Variants in MCPH1 observed in about 807,000 individuals in gnomAD.
The protein encoded by MCPH1 is microcephalin.
MCPH1 carries 104 observed loss-of-function variants against 84.5 expected under a neutral mutation model. The ratio of observed to expected loss-of-function variants is 1.23; its 90% CI spans 1.05 to 1.45. MCPH1 has a LOEUF of 1.45. Among genes scored for constraint, MCPH1 ranks in the 40% most tolerant of loss-of-function variants. MCPH1 has a pLI of 0.00. For synonymous variants in MCPH1, 514 were observed against 366.8 expected (o/e 1.40, Z -4.58); for missense variants, 1,498 against 1,005.7 (o/e 1.49, Z -6.62).
chr8:6,484,793 C>A (rs1158708086), intron 11 of MCPH1, among the ~76,000 whole-genome samples: 1 of 152,214 alleles, frequency 6.6e-6, no homozygotes, highest in Non-Finnish European at 1.5e-5. Flanking sequence ...AAGGCCATTT[C>A]TTTGTCATTC....
At chr8:6,480,113 C>G (rs940600543) in intron 10 of MCPH1, among the ~76,000 whole-genome samples, 1 of 149,746 alleles carries the variant, frequency 6.7e-6, no homozygotes, top group African/African-American at 2.5e-5. Flanking sequence ...TCCTTTTTTT[C>G]TTTTTTCTTT....
intron 12 of MCPH1, among the ~76,000 whole-genome samples, chr8:6,609,889 A>T (rs1830121086): frequency 7.1e-6 from 1 of 139,902 alleles, no homozygotes; most frequent in East Asian, 2.2e-4. Flanking sequence ...TGGTTGCCTT[A>T]TTACACACCC....
chr8:6,560,718 A>T (rs1046386660), intron 12 of MCPH1, among the ~76,000 whole-genome samples: 6 of 152,230 alleles, frequency 3.9e-5, no homozygotes, highest in African/African-American at 1.4e-4. Flanking sequence ...GAAAGGAAGA[A>T]ATTTTGGTCG....
At chr8:6,605,896 C>A (rs372248963) in intron 12 of MCPH1, among the ~76,000 whole-genome samples, 12 of 152,156 alleles carry the variant, frequency 7.9e-5, no homozygotes, top group South Asian at 6.2e-4. Context: ...TGGGTTTCTC[C>A]ATGTTGGCCA....
At chr8:6,488,807 C>G (rs1014319842) in intron 11 of MCPH1, among the ~76,000 whole-genome samples, 1 of 151,878 alleles carries the variant, frequency 6.6e-6, no homozygotes, top group Non-Finnish European at 1.5e-5. Context: ...GAATGGATTG[C>G]AGGGAGGTAA....
chr8:6,627,510 C>G (rs2129581712), intron 13 of MCPH1, among the ~76,000 whole-genome samples: 1 of 152,336 alleles, frequency 6.6e-6, no homozygotes, highest in Admixed American at 6.5e-5. Context: ...GTTCTTAAAA[C>G]AGACGAAATC....
At chr8:6,539,714 G>A (rs562402186) in intron 12 of MCPH1, among the ~76,000 whole-genome samples, 1 of 152,294 alleles carries the variant, frequency 6.6e-6, no homozygotes, top group African/African-American at 2.4e-5. Context: ...AGCTTCCCAA[G>A]TAGCTGGGGT....
intron 11 of MCPH1, among the ~76,000 whole-genome samples, chr8:6,495,743 C>T (rs1356313015): frequency 6.6e-6 from 1 of 152,162 alleles, no homozygotes; most frequent in Non-Finnish European, 1.5e-5. Flanking sequence ...GTGGCAAAAA[C>T]ACCCCAATCA....
chr8:6,549,756 C>T (rs1823286249), intron 12 of MCPH1, among the ~76,000 whole-genome samples: 2 of 151,980 alleles, frequency 1.3e-5, no homozygotes, highest in Non-Finnish European at 2.9e-5. Flanking sequence ...GAGCCACGTG[C>T]AGGGCAGCAA....
chr8:6,436,515 G>C (rs1439401257), intron 5 of MCPH1, among the ~76,000 whole-genome samples: 1 of 151,596 alleles, frequency 6.6e-6, no homozygotes, highest in South Asian at 2.1e-4. Flanking sequence ...TACCTAATTG[G>C]CATTTTTGTT....
chr8:6,442,639 C>T (rs1167961902), intron 7 of MCPH1, among the ~76,000 whole-genome samples: 2 of 152,142 alleles, frequency 1.3e-5, no homozygotes, highest in East Asian at 1.9e-4. Context: ...CCATGTTACG[C>T]ACATACATGT....
At chr8:6,413,702 T>C (rs1181645655) in intron 2 of MCPH1, among the ~76,000 whole-genome samples, 1 of 152,054 alleles carries the variant, frequency 6.6e-6, no homozygotes, top group African/African-American at 2.4e-5. Context: ...AAGAGCTCTT[T>C]AGGATCCTAT....
At chr8:6,548,178 G>A (rs1056594777) in intron 12 of MCPH1, among the ~76,000 whole-genome samples, 5 of 152,108 alleles carry the variant, frequency 3.3e-5, no homozygotes, top group Admixed American at 2.6e-4. Context: ...TCCTGGAGTG[G>A]CTTGAGGCGG....
chr8:6,611,987 C>G (rs966515238), intron 12 of MCPH1, among the ~76,000 whole-genome samples: 10 of 152,152 alleles, frequency 6.6e-5, no homozygotes, highest in Non-Finnish European at 1.0e-4. Flanking sequence ...ATTGAGTGAA[C>G]CCCAGACCTT....
chr8:6,568,838 C>T (rs1247968071), intron 12 of MCPH1, among the ~76,000 whole-genome samples: 2 of 152,224 alleles, frequency 1.3e-5, no homozygotes, highest in African/African-American at 4.8e-5. Flanking sequence ...GCCTTGGAGG[C>T]GGTGACTGCT....
At chr8:6,612,600 G>C (rs547751409) in intron 12 of MCPH1, among the ~76,000 whole-genome samples, 1 of 152,208 alleles carries the variant, frequency 6.6e-6, no homozygotes, top group African/African-American at 2.4e-5. Context: ...GTCCGGCACC[G>C]CTGGTTGCGG....
At chr8:6,497,652 G>C (rs1225977005) in intron 11 of MCPH1, among the ~76,000 whole-genome samples, 1 of 152,214 alleles carries the variant, frequency 6.6e-6, no homozygotes, top group East Asian at 1.9e-4. Flanking sequence ...AACACGGGAT[G>C]ACTGGGTACA....
chr8:6,468,411 C>T lies in MCPH1; in HGVS notation c.1936-9183C>T, dbSNP rs1234124596. Among the ~76,000 whole-genome samples the T allele has an allele frequency of 3.3e-5, 5 of 152,168 alleles. No individual in the cohort carries two copies. The South Asian group carries it at 1.0e-3, about 32-fold the overall frequency. ...CAGGCTTATTCTTACTCTCCCTGGC[C>T]AGCCCCTCTTCTTGGAGAGGAGAAA... On this transcript the variant is annotated intron_variant, in intron 9 of 13. Coordinates refer to ENST00000344683, the MANE Select transcript of MCPH1 (RefSeq NM_024596.5).
chr8:6,486,150 C>T (rs1809878100), intron 11 of MCPH1, among the ~76,000 whole-genome samples: 3 of 152,168 alleles, frequency 2.0e-5, no homozygotes, highest in Admixed American at 6.5e-5. Flanking sequence ...TAATATTTAT[C>T]TATGTCTTGC....
Sources: gnomAD v4.1 joint callset for allele counts (sites outside exome capture counted in the v4.1 genomes callset) on GRCh38, gnomAD v4.1.1 for gene constraint, MANE v1.5 for transcripts, NCBI Gene and HGNC (gene_info 2026-07-23, HGNC 2026-07-21) for gene names.